Variants in SIPA1L3 observed in about 807,000 individuals in gnomAD.
The protein encoded by SIPA1L3 is signal-induced proliferation-associated 1-like protein 3.
Under a neutral mutation model 150.1 loss-of-function variants are expected in SIPA1L3, and 59 were observed. The ratio of observed to expected loss-of-function variants is 0.39; its 90% CI spans 0.32 to 0.49. The LOEUF is 0.49. Among genes scored for constraint, SIPA1L3 ranks in the 20% least tolerant of loss-of-function variants. The pLI, the probability that SIPA1L3 is intolerant of heterozygous loss-of-function variation, is 0.86. For missense variants in SIPA1L3, 2,211 were observed against 2,489.5 expected, an observed-to-expected ratio of 0.89 and a Z score of 2.38; for synonymous variants, 1,070 against 1,077.6, an observed-to-expected ratio of 0.99 and a Z score of 0.14.
chr19:38,074,213 G>C (rs1277490733), intron 2 of SIPA1L3, among the ~76,000 whole-genome samples: 1 of 152,232 alleles, frequency 6.6e-6, no homozygotes. Context: ...AGGAAGACTC[G>C]ACTGCAGCTG....
At chr19:38,189,528 G>A (rs528773074) in intron 16 of SIPA1L3, among the ~76,000 whole-genome samples, 162 of 152,252 alleles carry the variant, frequency 1.1e-3, no homozygotes, top group African/African-American at 3.8e-3. Flanking sequence ...CACTTTGGGA[G>A]GCCGAGATGG....
intron 1 of SIPA1L3, among the ~76,000 whole-genome samples, chr19:37,957,006 C>A (rs963411519): frequency 6.6e-6 from 1 of 151,868 alleles, no homozygotes; most frequent in Non-Finnish European, 1.5e-5. Context: ...TATCTTTTTG[C>A]GTATTAATAT....
intron 1 of SIPA1L3, among the ~76,000 whole-genome samples, chr19:37,910,469 T>C: frequency 6.7e-6 from 1 of 149,178 alleles, no homozygotes; most frequent in Non-Finnish European, 1.5e-5. Flanking sequence ...GTTGAGGCTG[T>C]AGTGAGCTGT....
At chr19:38,010,861 C>G (rs1178877612) in intron 1 of SIPA1L3, among the ~76,000 whole-genome samples, 4 of 152,146 alleles carry the variant, frequency 2.6e-5, no homozygotes, top group African/African-American at 7.2e-5. Context: ...AATAATAACA[C>G]AACCTTCTTC....
intron 2 of SIPA1L3, among the ~76,000 whole-genome samples, chr19:38,065,196 A>G (rs919744868): frequency 1.3e-5 from 2 of 152,202 alleles, no homozygotes; most frequent in African/African-American, 2.4e-5. Context: ...GGTGGGGTGC[A>G]CTGTCCTTCC....
chr19:38,027,220 A>G (rs1968534704), intron 1 of SIPA1L3, among the ~76,000 whole-genome samples: 1 of 152,140 alleles, frequency 6.6e-6, no homozygotes, highest in South Asian at 2.1e-4. Context: ...TCTGGGAGGC[A>G]GAGGTTGCAG....
At chr19:38,123,467 C>T (rs1023869497) in intron 9 of SIPA1L3, among the ~76,000 whole-genome samples, 1 of 147,662 alleles carries the variant, frequency 6.8e-6, no homozygotes, top group African/African-American at 2.5e-5. Flanking sequence ...GGTGATGACT[C>T]TTAAGGAGCA....
rs1298550106 is a variant in SIPA1L3 at position 38,208,176 on chromosome 19, A to G, written c.*1936A>G. The G allele has an allele frequency of 6.6e-6, 1 of 151,450 alleles. No homozygotes were observed. Among genetic ancestry groups the G allele is most frequent in the East Asian group, 1.9e-4 (1 of 5,182 alleles). 9.4% of individuals were successfully genotyped at this position (151,450 alleles called of 1,614,324 possible). On this transcript the variant is annotated 3_prime_UTR_variant, in exon 22 of 22. Transcript: ENST00000222345. ...TTTTTAAGGATTTCTGCAAAAACAGATCTATTTAATTTGAGGTTGATGTTC... is the reference window on the plus strand; with the variant it reads ...TTTTTAAGGATTTCTGCAAAAACAGGTCTATTTAATTTGAGGTTGATGTTC...
chr19:38,000,161 A>G (rs1191864132), intron 1 of SIPA1L3, among the ~76,000 whole-genome samples: 1 of 152,084 alleles, frequency 6.6e-6, no homozygotes, highest in Non-Finnish European at 1.5e-5. Context: ...GGGCATGCAC[A>G]GTTAGGATTA....
intron 2 of SIPA1L3, among the ~76,000 whole-genome samples, chr19:38,035,988 A>C (rs1038483511): frequency 6.6e-6 from 1 of 152,216 alleles, no homozygotes; most frequent in Non-Finnish European, 1.5e-5. Flanking sequence ...AGCAGAGTTC[A>C]TACAGCGAAA....
At chr19:38,057,388 C>T (rs1293252000) in intron 2 of SIPA1L3, among the ~76,000 whole-genome samples, 2 of 151,050 alleles carry the variant, frequency 1.3e-5, no homozygotes, top group Non-Finnish European at 2.9e-5. Flanking sequence ...GTATAAAGAA[C>T]AGATTTTCGA....
rs748827733 is a variant in SIPA1L3, at chr19:38,119,344, GC to G, written c.2337del (p.Ile780SerfsTer21). ...CGATCCAAAGACGCTCCTCCTTTCG[GC>G]CCCCCCATCCCCAGTGGAACCACAT... is the stretch of plus-strand genomic sequence containing the variant. The part of the protein sequence containing the change: ...VTRSKDAPPF[G>X]PPIPSGTTFR... On this transcript the variant is annotated frameshift_variant, in exon 9 of 22. Transcript: ENST00000222345. LOFTEE classifies it high-confidence loss of function. 6.2e-7 allele frequency: 1 copy of G among 1,613,818 alleles called. No homozygotes were observed. Among genetic ancestry groups the G allele is most frequent in the Non-Finnish European group, 8.5e-7 (1 of 1,179,966 alleles).
intron 4 of SIPA1L3, among the ~76,000 whole-genome samples, chr19:38,092,273 A>C (rs372909799): frequency 6.6e-5 from 10 of 152,120 alleles, no homozygotes; most frequent in African/African-American, 2.4e-4. Context: ...TGTAAATGAC[A>C]AGTTAATGGG....
rs1412050857 is a variant in SIPA1L3, at chr19:38,036,757, G to A, written c.-311+7601G>A. ...GATGTCCATTTCTTACTTGTGACAT[G>A]GGCAGGTCAGGTGGGAGGGCTTAAC... is the stretch of plus-strand genomic sequence containing the variant. On this transcript the variant is annotated intron_variant, in intron 2 of 21. Transcript: ENST00000222345. Among the ~76,000 whole-genome samples the A allele has an allele frequency of 6.6e-5, 10 of 152,252 alleles. No homozygotes were observed. In the East Asian group the frequency reaches 1.9e-3, roughly 29 times the overall value.
At chr19:37,979,210 G>A (rs1327999819) in intron 1 of SIPA1L3, among the ~76,000 whole-genome samples, 2 of 151,664 alleles carry the variant, frequency 1.3e-5, no homozygotes, top group Admixed American at 6.6e-5. Context: ...TTTTTAAAAG[G>A]TTAAAAAAAA....
rs1322253792 is a variant in SIPA1L3 at position 38,141,450 on chromosome 19, G to C, written c.3395+15G>C. On this transcript the variant is annotated intron_variant, in intron 11 of 21. Coordinates refer to ENST00000222345, the MANE Select transcript of SIPA1L3 (RefSeq NM_015073.3). ...CACAGCAAGAGGTAAGCACCTGCTG[G>C]GGGGACCAATACTTCCCAACCCCCA... 2 of 1,600,956 alleles carry C rather than the reference G, an allele frequency of 1.2e-6. No homozygotes were observed. Among genetic ancestry groups the C allele is most frequent in the East Asian group, 2.2e-5 (1 of 44,826 alleles).
In SIPA1L3 at chr19:38,193,766, T is replaced by G; in HGVS notation, c.4826T>G (p.Phe1609Cys). 3.2e-6 allele frequency: 5 copies of G among 1,573,328 alleles called. No individual in the cohort carries two copies. Among genetic ancestry groups the G allele is most frequent in the Non-Finnish European group, 3.4e-6 (4 of 1,169,162 alleles). The change falls in exon 18 of 22, where the codon TTT (phenylalanine) becomes TGT (cysteine). Residue 1609 changes from phenylalanine (F) to cysteine (C), a missense_variant. Physicochemically the swap from Phe to Cys is radical, Grantham distance 205. This residue lies in a region of SIPA1L3 where 806 missense variants were observed against 870.1 expected (regional missense o/e 0.93). Coordinates refer to ENST00000222345, the MANE Select transcript of SIPA1L3 (RefSeq NM_015073.3). ...PGATPAAGSG[F>C]PEKKSTISAS... ...GCCACCCCTGCCGCCGGCAGCGGCT[T>G]TCCCGAGAAGAAATGTGAGCCTGGG...
chr19:37,914,077 C>A (rs1380778688), intron 1 of SIPA1L3, among the ~76,000 whole-genome samples: 1 of 147,998 alleles, frequency 6.8e-6, no homozygotes, highest in Admixed American at 6.7e-5. Context: ...ATAGTTTTAA[C>A]TGTGATGGAG....
intron 12 of SIPA1L3, among the ~76,000 whole-genome samples, chr19:38,147,836 G>A (rs996255383): frequency 4.3e-4 from 66 of 152,230 alleles, no homozygotes; most frequent in Admixed American, 2.4e-3. Context: ...GCTCAGTGAG[G>A]TGAATTTGCT....
Sources: allele counts gnomAD v4.1 joint callset (sites outside exome capture counted in the v4.1 genomes callset), GRCh38; gene constraint gnomAD v4.1.1; regional missense constraint gnomAD v4.1.1; transcripts MANE v1.5; gene names NCBI Gene and HGNC (gene_info 2026-07-23, HGNC 2026-07-21).